The following RIMS1 variants were observed in gnomAD, a reference collection of about 807,000 sequenced individuals.
The protein encoded by RIMS1 is regulating synaptic membrane exocytosis protein 1.
Under a neutral mutation model 214.1 loss-of-function variants are expected in RIMS1, and 83 were observed. The observed-to-expected ratio is 0.39, with a 90% CI of 0.32 to 0.47. The LOEUF (loss-of-function observed/expected upper bound fraction) is 0.47, where lower values mean the gene tolerates loss of function less well. Among genes scored for constraint, RIMS1 ranks in the 20% least tolerant of loss-of-function variants. The pLI, the probability that RIMS1 is intolerant of heterozygous loss-of-function variation, is 0.99. For synonymous variants in RIMS1, 793 were observed against 786.8 expected, an observed-to-expected ratio of 1.01 and a Z score of -0.13; for missense variants, 2,050 against 2,161.8, an observed-to-expected ratio of 0.95 and a Z score of 1.03.
chr6:72,003,612 G>C (rs1263071261), intron 2 of RIMS1, among the ~76,000 whole-genome samples: 3 of 150,118 alleles, frequency 2.0e-5, no homozygotes, highest in African/African-American at 7.3e-5. Flanking sequence ...GTGTGTGTCT[G>C]TGTGTGTGTG....
At chr6:72,031,760 T>C (rs900085383) in intron 2 of RIMS1, among the ~76,000 whole-genome samples, 28 of 152,176 alleles carry the variant, frequency 1.8e-4, no homozygotes, top group African/African-American at 6.5e-4. Context: ...CACCTATTTA[T>C]TTCTATTTAG....
chr6:72,107,127 A>G (rs2034917663), intron 4 of RIMS1, among the ~76,000 whole-genome samples: 1 of 152,158 alleles, frequency 6.6e-6, no homozygotes, highest in Non-Finnish European at 1.5e-5. Flanking sequence ...TGCATCATTT[A>G]CACTTCATCA....
chr6:72,275,980 A>C (rs2086199255), intron 23 of RIMS1, among the ~76,000 whole-genome samples: 1 of 152,230 alleles, frequency 6.6e-6, no homozygotes, highest in African/African-American at 2.4e-5. Flanking sequence ...GCCAGGGCCA[A>C]GTGGGGAGGA....
At chr6:72,263,933 C>G in intron 19 of RIMS1, 1 of 348,718 alleles carries the variant, frequency 2.9e-6, no homozygotes, top group Non-Finnish European at 4.0e-6. Flanking sequence ...GCAGAGGTTG[C>G]AGTGAGCCAA....
At chr6:72,027,300 T>A (rs1816806427) in intron 2 of RIMS1, among the ~76,000 whole-genome samples, 1 of 152,068 alleles carries the variant, frequency 6.6e-6, no homozygotes, top group Admixed American at 6.6e-5. Context: ...GCCAAATAGG[T>A]CATGTGGCCC....
At chr6:72,155,059 C>G (rs2044255071) in intron 4 of RIMS1, among the ~76,000 whole-genome samples, 1 of 139,746 alleles carries the variant, frequency 7.2e-6, no homozygotes, top group Non-Finnish European at 1.6e-5. Flanking sequence ...CAAATGTGTC[C>G]CCAAGAATCT....
chr6:71,937,289 C>T (rs80323606), intron 1 of RIMS1, among the ~76,000 whole-genome samples: 1,805 of 152,192 alleles, frequency 0.012, 44 homozygotes, highest in African/African-American at 0.041. Context: ...GAGGTAGAGT[C>T]TTACTGTGTC....
At chr6:72,122,926 C>A (rs1178177978) in intron 4 of RIMS1, among the ~76,000 whole-genome samples, 1 of 151,760 alleles carries the variant, frequency 6.6e-6, no homozygotes, top group East Asian at 1.9e-4. Context: ...AAAACCAGCT[C>A]CTGGATTCAT....
intron 1 of RIMS1, among the ~76,000 whole-genome samples, chr6:71,952,594 C>T (rs1187339036): frequency 6.6e-6 from 1 of 152,204 alleles, no homozygotes; most frequent in Non-Finnish European, 1.5e-5. Flanking sequence ...TACTGCGAAA[C>T]ACCAGGAAAA....
intron 1 of RIMS1, among the ~76,000 whole-genome samples, chr6:71,892,761 G>C (rs780560363): frequency 3.9e-5 from 6 of 152,102 alleles, no homozygotes; most frequent in Non-Finnish European, 5.9e-5. Context: ...ATTAGAATTA[G>C]GTCAGGCATT....
chr6:72,289,916 A>G (rs999768360), intron 24 of RIMS1, among the ~76,000 whole-genome samples: 2 of 152,164 alleles, frequency 1.3e-5, no homozygotes, highest in South Asian at 2.1e-4. Flanking sequence ...AAAAATAAGT[A>G]CATCTATATA....
chr6:72,237,984 G>T (rs2064979571), intron 9 of RIMS1, 62 bp downstream of exon 9: 4 of 1,195,832 alleles, frequency 3.3e-6, no homozygotes, highest in Non-Finnish European at 4.8e-6. Flanking sequence ...TGAATTGGTG[G>T]TTTTCAATTT....
chr6:72,240,475 G>T, intron 9 of RIMS1, among the ~76,000 whole-genome samples: 1 of 151,504 alleles, frequency 6.6e-6, no homozygotes. Context: ...ATATATGTAT[G>T]TACTCATATA....
intron 8 of RIMS1, among the ~76,000 whole-genome samples, chr6:72,237,608 C>T (rs908635964): frequency 2.0e-5 from 3 of 149,940 alleles, no homozygotes; most frequent in African/African-American, 7.4e-5. Context: ...CCTGGGAGGT[C>T]GAGGCTGCAG....
At chr6:72,286,605 T>C (rs1480287753) in intron 24 of RIMS1, among the ~76,000 whole-genome samples, 1 of 152,212 alleles carries the variant, frequency 6.6e-6, no homozygotes, top group African/African-American at 2.4e-5. Flanking sequence ...CTAGTTTCTT[T>C]GTGAATTGTT....
chr6:72,212,871 C>T, intron 6 of RIMS1: 1 of 1,163,544 alleles, frequency 8.6e-7, no homozygotes, highest in Non-Finnish European at 1.1e-6. Context: ...AGTATTTTAT[C>T]CAAGCAGTCC....
At chr6:71,989,380 G>A (rs1480818037) in intron 2 of RIMS1, among the ~76,000 whole-genome samples, 2 of 152,066 alleles carry the variant, frequency 1.3e-5, no homozygotes, top group Non-Finnish European at 2.9e-5. Context: ...CTATCCTTTG[G>A]AATGAAACAC....
chr6:72,352,379 A>C (rs1430998914), intron 29 of RIMS1, among the ~76,000 whole-genome samples: 1 of 152,164 alleles, frequency 6.6e-6, no homozygotes, highest in Non-Finnish European at 1.5e-5. Flanking sequence ...GGAAACTAAA[A>C]CTCAGAAAGA....
chr6:72,154,518 C>A (rs964719728), intron 4 of RIMS1, among the ~76,000 whole-genome samples: 3 of 140,522 alleles, frequency 2.1e-5, no homozygotes, highest in Non-Finnish European at 4.8e-5. Context: ...CAAATGAGAA[C>A]AACCTGGTGA....
Sources: allele counts gnomAD v4.1 joint callset (sites outside exome capture counted in the v4.1 genomes callset), GRCh38; gene constraint gnomAD v4.1.1; transcripts MANE v1.5; gene names NCBI Gene and HGNC (gene_info 2026-07-23, HGNC 2026-07-21).